The following NGEF variants were observed in gnomAD, a reference collection of about 807,000 sequenced individuals.
NGEF encodes the protein neuronal guanine nucleotide exchange factor, also known as ephexin-1.
Under a neutral mutation model 80.9 loss-of-function variants are expected in NGEF, and 31 were observed. The ratio of observed to expected loss-of-function variants is 0.38; its 90% CI spans 0.29 to 0.52. The LOEUF (loss-of-function observed/expected upper bound fraction) is 0.52, where lower values mean the gene tolerates loss of function less well. Among genes scored for constraint, NGEF ranks in the 20% least tolerant of loss-of-function variants. The pLI is 0.84. For synonymous variants in NGEF, 371 were observed against 370.2 expected (o/e 1.00, Z -0.03); for missense variants, 709 against 926.2 (o/e 0.77, Z 3.04).
chr2:232,928,423 C>A (rs763513439), intron 3 of NGEF, among the ~76,000 whole-genome samples: 1 of 151,664 alleles, frequency 6.6e-6, no homozygotes, highest in Admixed American at 6.6e-5. Flanking sequence ...CCACTCCTCA[C>A]GGCGGGGGAA....
chr2:232,975,266 G>C (rs1228543572), intron 1 of NGEF, among the ~76,000 whole-genome samples: 1 of 152,150 alleles, frequency 6.6e-6, no homozygotes, highest in South Asian at 2.1e-4. Flanking sequence ...AGAGAAAAAG[G>C]GTGGCAGAAA....
chr2:233,007,457 G>A (rs1695108810), intron 1 of NGEF, among the ~76,000 whole-genome samples: 1 of 152,122 alleles, frequency 6.6e-6, no homozygotes, highest in Admixed American at 6.5e-5. Context: ...CTCCAGTGGG[G>A]ACAACTCACA....
At chr2:232,963,912 A>G (rs1694005145) in intron 3 of NGEF, among the ~76,000 whole-genome samples, 1 of 152,202 alleles carries the variant, frequency 6.6e-6, no homozygotes, top group African/African-American at 2.4e-5. Context: ...ACTCCTACAA[A>G]TTAAAAATAT....
At chr2:232,928,828 C>T (rs529681582) in intron 3 of NGEF, among the ~76,000 whole-genome samples, 1 of 152,330 alleles carries the variant, frequency 6.6e-6, no homozygotes, top group South Asian at 2.1e-4. Context: ...GTTGCCCTGC[C>T]CGGTGACATC....
In NGEF at chr2:232,957,732, T is replaced by G. The variant is rs183622573; in HGVS notation, c.383+12482A>C. Among the ~76,000 whole-genome samples the G allele has an allele frequency of 3.1e-3, 466 of 152,314 alleles. 2 individuals carry two copies. Among genetic ancestry groups the G allele is most frequent in the Middle Eastern group, 6.8e-3 (2 of 294 alleles). On this transcript the variant is annotated intron_variant, in intron 3 of 14. Transcript: ENST00000264051. ...CATGCAAGTTTCTGCACCTGTCTGGTCACCTCTGGGTGTGGGCCTCTGCCC... is the reference window on the plus strand; with the variant it reads ...CATGCAAGTTTCTGCACCTGTCTGGGCACCTCTGGGTGTGGGCCTCTGCCC...
intron 3 of NGEF, among the ~76,000 whole-genome samples, chr2:232,953,243 A>G (rs889390165): frequency 2.0e-5 from 3 of 148,146 alleles, no homozygotes; most frequent in Non-Finnish European, 3.0e-5. Context: ...CAGAAGTTGC[A>G]AGGAACTGAG....
In NGEF at chr2:232,893,307, T is replaced by G. The variant is rs181574954; in HGVS notation, c.990-257A>C. ...ACCTTATCTTTCAGGTATGTGCTGA[T>G]GTGTTTGAGGATAAAATAGATGACC... On this transcript the variant is annotated intron_variant, in intron 6 of 14. Transcript: ENST00000264051. Among the ~76,000 whole-genome samples, 38 of 152,266 alleles carry G rather than the reference T, an allele frequency of 2.5e-4. 1 individual carries two copies. The highest frequency in any genetic ancestry group is 1.9e-3 in the Admixed American group (29 of 15,302).
At chr2:232,900,978 C>T (rs1172287450) in intron 5 of NGEF, among the ~76,000 whole-genome samples, 1 of 152,186 alleles carries the variant, frequency 6.6e-6, no homozygotes, top group African/African-American at 2.4e-5. Context: ...GAGTTAGGGC[C>T]GCCTACACCA....
chr2:232,976,601 G>T (rs942157276), intron 1 of NGEF, among the ~76,000 whole-genome samples: 3 of 152,222 alleles, frequency 2.0e-5, no homozygotes, highest in Non-Finnish European at 2.9e-5. Context: ...ACACAGGTTT[G>T]TATCAGAAGG....
chr2:232,943,550 C>G (rs973557162), intron 3 of NGEF, among the ~76,000 whole-genome samples: 1 of 122,286 alleles, frequency 8.2e-6, no homozygotes, highest in Non-Finnish European at 1.9e-5. Flanking sequence ...GGCTGGAGTG[C>G]AGTGGCGCGA....
chr2:232,942,943 C>T (rs1444289125), intron 3 of NGEF, among the ~76,000 whole-genome samples: 1 of 148,502 alleles, frequency 6.7e-6, no homozygotes, highest in Non-Finnish European at 1.5e-5. Context: ...GTTCATCCCT[C>T]CCCCGAACTG....
At chr2:232,973,824 A>AG (rs1574647327) in intron 2 of NGEF, among the ~76,000 whole-genome samples, 1 of 152,224 alleles carries the variant, frequency 6.6e-6, no homozygotes, top group African/African-American at 2.4e-5. Flanking sequence ...CTATATTTTG[A>AG]GGGGAGTTTA....
intron 4 of NGEF, among the ~76,000 whole-genome samples, chr2:232,921,827 T>A (rs1217671578): frequency 1.3e-5 from 2 of 152,058 alleles, no homozygotes; most frequent in Non-Finnish European, 2.9e-5. Context: ...CTGCAGCAGC[T>A]CCTTGGGAGA....
chr2:232,948,147 A>ATG (rs375640068), intron 3 of NGEF, among the ~76,000 whole-genome samples: 24,163 of 141,256 alleles, frequency 0.17, 2,109 homozygotes, highest in Non-Finnish European at 0.19. Context: ...TAGCCTGGAG[A>ATG]TGTGTGTGTG....
rs533471415 is a variant in NGEF at position 232,995,519 on chromosome 2, A to G, written c.-75+17549T>C. On this transcript the variant is annotated intron_variant, in intron 1 of 14. Transcript: ENST00000264051. ...CTGACAGTATACATACTGTATATAT[A>G]TACAGTATGTATACATATACAGTAT... Among the ~76,000 whole-genome samples, 2 of 24,456 alleles carry G rather than the reference A, an allele frequency of 8.2e-5. 1 individual carries two copies. The highest frequency in any genetic ancestry group is 8.3e-3 in the South Asian group (2 of 242). The allele number at this position is 24,456 out of a possible 152,430, so 16.0% of individuals were successfully genotyped here.
intron 1 of NGEF, among the ~76,000 whole-genome samples, chr2:232,989,703 T>G (rs571016431): frequency 1.3e-5 from 2 of 152,314 alleles, no homozygotes; most frequent in African/African-American, 4.8e-5. Flanking sequence ...CTGTTTTATA[T>G]GTATACTTTC....
chr2:232,993,155 A>ATATATATATATATTATATATATTTATT (rs1694693206), intron 1 of NGEF, among the ~76,000 whole-genome samples: 2 of 32,376 alleles, frequency 6.2e-5, no homozygotes, highest in Non-Finnish European at 1.1e-4. Context: ...ATATGGGCAA[A>ATATATATATATATTATATATATTTATT]TATATATATA....
chr2:232,907,036 A>T (rs1692578042), intron 5 of NGEF, among the ~76,000 whole-genome samples: 2 of 151,714 alleles, frequency 1.3e-5, no homozygotes, highest in Non-Finnish European at 2.9e-5. Context: ...CCAGGGACAC[A>T]AACACTCTGC....
intron 1 of NGEF, among the ~76,000 whole-genome samples, chr2:232,995,652 A>ATATATACAGTATG (rs1694823498): frequency 1.0e-5 from 1 of 97,922 alleles, no homozygotes; most frequent in African/African-American, 5.7e-5. Context: ...TATAGTGTAT[A>ATATATACAGTATG]TATGTATTAT....
Sources: gnomAD v4.1 joint callset for allele counts (sites outside exome capture counted in the v4.1 genomes callset) on GRCh38, gnomAD v4.1.1 for gene constraint, MANE v1.5 for transcripts, NCBI Gene and HGNC (gene_info 2026-07-23, HGNC 2026-07-21) for gene names.